TCEA1: variants seen among roughly 807,000 people sequenced by gnomAD.
The protein encoded by TCEA1 is transcription elongation factor A1, also known as transcription elongation factor A protein 1.
Under a neutral mutation model 43.8 loss-of-function variants are expected in TCEA1, and 21 were observed. That is an observed-to-expected ratio of 0.48 (90% CI 0.34 to 0.69). The LOEUF (loss-of-function observed/expected upper bound fraction) is 0.69. Ranked by LOEUF, TCEA1 falls within the 30% of genes least tolerant of loss-of-function variation. The pLI, the probability that TCEA1 is intolerant of heterozygous loss-of-function variation, is 0.01. For synonymous variants in TCEA1, 104 were observed against 117.5 expected (o/e 0.88, Z 0.75); for missense variants, 250 against 365.1 (o/e 0.68, Z 2.57).
chr8:54,016,116 C>G (rs1385268739), intron 1 of TCEA1, among the ~76,000 whole-genome samples: 1 of 152,176 alleles, frequency 6.6e-6, no homozygotes, highest in Non-Finnish European at 1.5e-5. Flanking sequence ...GGCAGTTCCT[C>G]AAAAGGTTAA....
intron 4 of TCEA1, among the ~76,000 whole-genome samples, chr8:53,992,362 C>T (rs1308293654): frequency 6.6e-6 from 1 of 152,042 alleles, no homozygotes; most frequent in African/African-American, 2.4e-5. Flanking sequence ...CCTGTAATCC[C>T]AGCACTTTGG....
At chr8:53,985,506 C>A (rs1694377969) in intron 6 of TCEA1, among the ~76,000 whole-genome samples, 1 of 152,180 alleles carries the variant, frequency 6.6e-6, no homozygotes, top group Admixed American at 6.5e-5. Flanking sequence ...ACAGTTCCCA[C>A]AGGGTCTCTG....
At position 53,993,711 on chromosome 8, in the gene TCEA1, G is replaced by C. The variant is rs1288448709; in HGVS notation, c.277C>G (p.Pro93Ala). 1.2e-6 allele frequency: 2 copies of C among 1,613,650 alleles called. No homozygotes were observed. Among genetic ancestry groups the C allele is most frequent in the African/African-American group, 2.7e-5 (2 of 74,914 alleles). Reference sequence around the variant, plus strand: ...GGGCTGTTCTGCGATGTAATTGCAGGTTCTTTCTTCTTTTCGTCAAGGTCT... The same window carrying C: ...GGGCTGTTCTGCGATGTAATTGCAGCTTCTTTCTTCTTTTCGTCAAGGTCT... The part of the protein sequence containing the change: ...EKDLDEKKKE[P>A]AITSQNSPEA... Residue 93 changes from proline (P) to alanine (A), a missense_variant, in exon 4 of 10, where the codon CCT becomes GCT. Physicochemically the swap from Pro to Ala is conservative, Grantham distance 27. This residue lies in a region of TCEA1 where 147 missense variants were observed against 160.3 expected (regional missense o/e 0.92). Transcript: ENST00000521604.
At chr8:53,988,585 T>C (rs1228901734) in intron 4 of TCEA1, among the ~76,000 whole-genome samples, 2 of 152,080 alleles carry the variant, frequency 1.3e-5, no homozygotes, top group Non-Finnish European at 2.9e-5. Flanking sequence ...GATCTTGGTA[T>C]AAGGAGAGGG....
At chr8:54,016,611 G>C (rs1045994541) in intron 1 of TCEA1, among the ~76,000 whole-genome samples, 1 of 152,096 alleles carries the variant, frequency 6.6e-6, no homozygotes, top group Non-Finnish European at 1.5e-5. Flanking sequence ...GGCTGAAGCG[G>C]GTAGATCACC....
chr8:53,993,593 C>T (rs1017476236), intron 4 of TCEA1, 75 bp downstream of exon 4: 1 of 1,220,420 alleles, frequency 8.2e-7, no homozygotes, highest in African/African-American at 1.5e-5. Context: ...AATAGGGGAA[C>T]ATTAGACAGG....
intron 1 of TCEA1, among the ~76,000 whole-genome samples, chr8:54,016,247 C>A (rs1451963210): frequency 6.6e-6 from 1 of 152,014 alleles, no homozygotes; most frequent in African/African-American, 2.4e-5. Context: ...GAGGCCGAGG[C>A]GGGCAGATCA....
At chr8:53,996,902 TC>T (rs1804072128) in intron 3 of TCEA1, among the ~76,000 whole-genome samples, 1 of 133,454 alleles carries the variant, frequency 7.5e-6, no homozygotes, top group African/African-American at 3.3e-5. Context: ...AAGAAGGTTG[TC>T]TTTTTTTTTT....
At chr8:54,008,723 G>A (rs1416280312) in intron 2 of TCEA1, among the ~76,000 whole-genome samples, 1 of 151,002 alleles carries the variant, frequency 6.6e-6, no homozygotes, top group Non-Finnish European at 1.5e-5. Flanking sequence ...CAAGACATAC[G>A]AGTGGTCAAC....
chr8:53,974,427 T>C (rs1436880361), intron 8 of TCEA1, among the ~76,000 whole-genome samples: 1 of 151,548 alleles, frequency 6.6e-6, no homozygotes, highest in Non-Finnish European at 1.5e-5. Context: ...TTAAATCAAA[T>C]TACCTGAATT....
chr8:53,974,872 A>C (rs780893026), intron 8 of TCEA1, among the ~76,000 whole-genome samples: 1 of 152,126 alleles, frequency 6.6e-6, no homozygotes, highest in Non-Finnish European at 1.5e-5. Flanking sequence ...CTATGTAAAA[A>C]TAGAGCAGTA....
chr8:54,001,545 T>C (rs1050522716), intron 2 of TCEA1, among the ~76,000 whole-genome samples: 1 of 152,174 alleles, frequency 6.6e-6, no homozygotes, highest in Non-Finnish European at 1.5e-5. Flanking sequence ...GCTAGTTTAC[T>C]AGGAAAAAAA....
Position 53,967,216 on chromosome 8 carries a change from C to G in TCEA1, c.*888G>C. Reference sequence around the variant, plus strand: ...TCAGTATAGATTTCCGAATCAAAATCTAGTCATGAACTGTTTACAATAGCT... The same window carrying G: ...TCAGTATAGATTTCCGAATCAAAATGTAGTCATGAACTGTTTACAATAGCT... On this transcript the variant is annotated 3_prime_UTR_variant, in exon 10 of 10. Coordinates refer to ENST00000521604, the MANE Select transcript of TCEA1 (RefSeq NM_006756.4). The G allele has an allele frequency of 4.9e-6, 1 of 203,190 alleles. No homozygotes were observed. Among genetic ancestry groups the G allele is most frequent in the East Asian group, 7.6e-5 (1 of 13,122 alleles). 12.6% of individuals were successfully genotyped at this position (203,190 alleles called of 1,614,324 possible).
chr8:54,021,904 C>CG, intron 1 of TCEA1, 159 bp downstream of exon 1: 1 of 576,006 alleles, frequency 1.7e-6, no homozygotes, highest in Non-Finnish European at 2.7e-6. Context: ...CCCGACGCCC[C>CG]GGGCCCGGAC....
At chr8:54,015,827 T>C (rs998313529) in intron 1 of TCEA1, among the ~76,000 whole-genome samples, 1 of 152,084 alleles carries the variant, frequency 6.6e-6, no homozygotes. Flanking sequence ...CTGGGCAACA[T>C]AGCCAGACCC....
intron 9 of TCEA1, 156 bp downstream of exon 9, chr8:53,970,236 G>A (rs10095164): frequency 0.064 from 44,921 of 702,038 alleles, 8,015 homozygotes; most frequent in African/African-American, 0.52. Flanking sequence ...GTAACAAGAT[G>A]GTATATTCCA....
At chr8:53,988,057 T>C (rs1388433384) in intron 5 of TCEA1, 57 bp downstream of exon 5, 5 of 1,577,858 alleles carry the variant, frequency 3.2e-6, no homozygotes, top group Non-Finnish European at 4.3e-6. Context: ...GAGTTGGAGA[T>C]GGCAGTGGTT....
intron 3 of TCEA1, among the ~76,000 whole-genome samples, chr8:53,999,224 C>CATTAAA (rs1804171150): frequency 1.5e-5 from 1 of 64,550 alleles, no homozygotes; most frequent in Non-Finnish European, 3.3e-5. Context: ...GACTCAGTCT[C>CATTAAA]AAAAAAAAAA....
intron 7 of TCEA1, 55 bp from the exon 8 acceptor site, chr8:53,979,226 G>A (rs924436424): frequency 1.3e-6 from 2 of 1,485,126 alleles, no homozygotes; most frequent in Non-Finnish European, 1.8e-6. Flanking sequence ...TATATATCCT[G>A]AATGCTTTTA....
Sources: gnomAD v4.1 joint callset for allele counts (sites outside exome capture counted in the v4.1 genomes callset) on GRCh38, gnomAD v4.1.1 for gene constraint, gnomAD v4.1.1 regional missense constraint, MANE v1.5 for transcripts, NCBI Gene and HGNC (gene_info 2026-07-23, HGNC 2026-07-21) for gene names.